Variants in CLVS1 observed in about 807,000 individuals in gnomAD.
The protein encoded by CLVS1 is clavesin-1.
In CLVS1, 10 loss-of-function variants were observed where a neutral mutation model predicts 33.1. The ratio of observed to expected loss-of-function variants is 0.30; its 90% confidence interval spans 0.19 to 0.51. The LOEUF (loss-of-function observed/expected upper bound fraction) is 0.51. CLVS1 is among the 20% of genes least tolerant of loss of function. CLVS1 has a pLI of 0.97. For missense variants in CLVS1, 343 were observed against 433.4 expected, an observed-to-expected ratio of 0.79 and a Z score of 1.85; for synonymous variants, 163 against 166.1, an observed-to-expected ratio of 0.98 and a Z score of 0.14.
intron 5 of CLVS1, among the ~76,000 whole-genome samples, chr8:61,467,971 T>C (rs978193130): frequency 1.1e-4 from 16 of 152,152 alleles, no homozygotes; most frequent in Non-Finnish European, 2.4e-4. Flanking sequence ...ACCGAAAACA[T>C]TGCATTTGTT....
chr8:61,391,836 A>G (rs996140214), intron 3 of CLVS1, among the ~76,000 whole-genome samples: 8 of 152,158 alleles, frequency 5.3e-5, no homozygotes, highest in Non-Finnish European at 1.0e-4. Flanking sequence ...AGTTTGTTCT[A>G]AAAGAGAATC....
At chr8:61,273,575 C>T (rs1321530104) in intron 2 of CLVS1, among the ~76,000 whole-genome samples, 2 of 152,106 alleles carry the variant, frequency 1.3e-5, no homozygotes, top group African/African-American at 2.4e-5. Flanking sequence ...CAATGGCGGG[C>T]GCCCCTCCCC....
At chr8:61,324,208 T>C (rs920436828) in intron 2 of CLVS1, among the ~76,000 whole-genome samples, 2 of 152,182 alleles carry the variant, frequency 1.3e-5, no homozygotes, top group African/African-American at 2.4e-5. Flanking sequence ...TGTGCTCCCA[T>C]AATTCCCATG....
intron 5 of CLVS1, among the ~76,000 whole-genome samples, chr8:61,471,472 G>A (rs996098036): frequency 4.6e-5 from 7 of 152,154 alleles, no homozygotes; most frequent in Admixed American, 3.9e-4. Flanking sequence ...TTGAAAGGAG[G>A]GGCCTTGAGT....
At chr8:61,403,663 G>A (rs749862215) in intron 3 of CLVS1, among the ~76,000 whole-genome samples, 5 of 152,196 alleles carry the variant, frequency 3.3e-5, no homozygotes, top group African/African-American at 1.2e-4. Context: ...GACTGGAAAA[G>A]GATGGGGACA....
At chr8:61,267,974 T>C (rs1809346533) in intron 2 of CLVS1, among the ~76,000 whole-genome samples, 1 of 152,186 alleles carries the variant, frequency 6.6e-6, no homozygotes, top group Non-Finnish European at 1.5e-5. Flanking sequence ...ACTTTGCCAT[T>C]CATGGGCCCT....
In CLVS1 at chr8:61,057,412, A is replaced by C. The variant is rs184683893; in HGVS notation, c.-243+182A>C. ...CACACACACACACACACACACACACACCCCATCCAAGGAAAATTTGGCCTC... is the reference window on the plus strand; with the variant it reads ...CACACACACACACACACACACACACCCCCCATCCAAGGAAAATTTGGCCTC... On this transcript the variant is annotated intron_variant, in intron 1 of 2. Transcript: ENST00000522621. Among the ~76,000 whole-genome samples, 1,054 of 122,586 alleles carry C rather than the reference A, an allele frequency of 8.6e-3. 9 individuals carry two copies. The highest frequency in any genetic ancestry group is 0.011 in the Non-Finnish European group (627 of 58,096). 80.4% of individuals were successfully genotyped at this position (122,586 alleles called of 152,430 possible).
chr8:60,981,709 C>A, the CLVS1 span, among the ~76,000 whole-genome samples: 3 of 152,226 alleles, frequency 2.0e-5, no homozygotes, highest in Non-Finnish European at 4.4e-5. Context: ...AGTTCATGAA[C>A]CTCTGAGTGG....
At chr8:61,038,329 T>G in the CLVS1 span, among the ~76,000 whole-genome samples, 3 of 151,894 alleles carry the variant, frequency 2.0e-5, no homozygotes, top group Non-Finnish European at 2.9e-5. Context: ...TGCTGGTGTT[T>G]CCCATATGAG....
chr8:61,451,810 C>CAGAGAGAGAGAGAGAG (rs545429020), intron 3 of CLVS1, among the ~76,000 whole-genome samples: 59 of 137,392 alleles, frequency 4.3e-4, no homozygotes, highest in Non-Finnish European at 7.4e-4. Flanking sequence ...CACACACACA[C>CAGAGAGAGAGAGAGAG]ACAGAGAGAG....
At chr8:61,243,596 T>G (rs1808742171) in intron 2 of CLVS1, among the ~76,000 whole-genome samples, 1 of 152,244 alleles carries the variant, frequency 6.6e-6, no homozygotes, top group South Asian at 2.1e-4. Flanking sequence ...GATTTATCTA[T>G]TTCATCCAAG....
chr8:61,256,982 A>C (rs1809096282), intron 2 of CLVS1, among the ~76,000 whole-genome samples: 1 of 152,204 alleles, frequency 6.6e-6, no homozygotes, highest in East Asian at 1.9e-4. Context: ...TATACTGTAT[A>C]GTTTTGGGGT....
At position 61,132,719 on chromosome 8, in the gene CLVS1, C is replaced by T. The variant is rs891767; in HGVS notation, c.-152+859C>T. 3.1e-3 allele frequency among the ~76,000 whole-genome samples: 475 copies of T among 152,262 alleles called. 3 individuals carry two copies. The highest frequency in any genetic ancestry group is 9.3e-3 in the African/African-American group (385 of 41,548). On this transcript the variant is annotated intron_variant, in intron 2 of 2. Transcript: ENST00000522621. ...ATGAAGCTTCAGATGTTCTAAAAAG[C>T]GGGATGCAGGGCCCAGTGAGCTGCA...
the CLVS1 span, among the ~76,000 whole-genome samples, chr8:60,972,244 T>G: frequency 1.6e-4 from 25 of 152,140 alleles, no homozygotes; most frequent in Non-Finnish European, 3.4e-4. Context: ...GCAAAAATCA[T>G]AACAGTGAAA....
chr8:61,233,939 G>T (rs577819616), intron 2 of CLVS1, among the ~76,000 whole-genome samples: 9 of 152,360 alleles, frequency 5.9e-5, no homozygotes, highest in Non-Finnish European at 5.9e-5. Flanking sequence ...TTTTCTTGGA[G>T]ACTCGCTCTC....
chr8:61,394,453 G>A (rs1046118800), intron 3 of CLVS1, among the ~76,000 whole-genome samples: 2 of 152,160 alleles, frequency 1.3e-5, no homozygotes, highest in Admixed American at 6.5e-5. Context: ...CCATCAGGTC[G>A]GGGCAGGGTT....
chr8:61,157,293 A>G (rs1214498908), intron 2 of CLVS1, among the ~76,000 whole-genome samples: 2 of 152,228 alleles, frequency 1.3e-5, no homozygotes, highest in Admixed American at 1.3e-4. Context: ...ATTTACAGGG[A>G]AAGGAAAATC....
chr8:61,123,206 T>G (rs569662503), intron 1 of CLVS1, among the ~76,000 whole-genome samples: 1 of 142,318 alleles, frequency 7.0e-6, no homozygotes, highest in African/African-American at 2.6e-5. Context: ...GAGGCGGAGG[T>G]TGCGCTGAGC....
At chr8:61,060,846 A>T (rs1319052096) in intron 1 of CLVS1, among the ~76,000 whole-genome samples, 4 of 152,198 alleles carry the variant, frequency 2.6e-5, no homozygotes, top group Non-Finnish European at 4.4e-5. Context: ...CAGGGTTTGA[A>T]ACCAGGCCTG....
Sources: gnomAD v4.1 joint callset for allele counts (sites outside exome capture counted in the v4.1 genomes callset) on GRCh38, gnomAD v4.1.1 for gene constraint, MANE v1.5 for transcripts, NCBI Gene and HGNC (gene_info 2026-07-23, HGNC 2026-07-21) for gene names.